Variants in CNOT6L observed in about 807,000 individuals in gnomAD.
CNOT6L encodes CCR4-NOT transcription complex subunit 6 like.
CNOT6L carries 7 observed loss-of-function variants against 64.0 expected under a neutral mutation model. The observed-to-expected ratio is 0.11, with a 90% CI of 0.06 to 0.21. The LOEUF (loss-of-function observed/expected upper bound fraction) is 0.21. CNOT6L is among the 10% of genes least tolerant of loss of function. The pLI, the probability that CNOT6L is intolerant of heterozygous loss-of-function variation, is 1.00. For missense variants in CNOT6L, 245 were observed against 669.0 expected, an observed-to-expected ratio of 0.37 and a Z score of 6.99; for synonymous variants, 193 against 243.4, an observed-to-expected ratio of 0.79 and a Z score of 1.93.
intron 1 of CNOT6L, among the ~76,000 whole-genome samples, chr4:77,779,885 A>G (rs2110078032): frequency 6.6e-6 from 1 of 152,192 alleles, no homozygotes; most frequent in Admixed American, 6.5e-5. Flanking sequence ...AATGGCATGA[A>G]CCCGGGAGGC....
chr4:77,806,151 C>T (rs2110161066), intron 1 of CNOT6L, among the ~76,000 whole-genome samples: 1 of 152,276 alleles, frequency 6.6e-6, no homozygotes, highest in Non-Finnish European at 1.5e-5. Flanking sequence ...TCAGGCCGGG[C>T]ACAGTGACTC....
chr4:77,799,190 G>A (rs943172634), intron 1 of CNOT6L, among the ~76,000 whole-genome samples: 5 of 152,138 alleles, frequency 3.3e-5, no homozygotes, highest in Admixed American at 2.0e-4. Context: ...CACTTTCGGA[G>A]GCCAAGGTGA....
At chr4:77,756,761 T>A in intron 5 of CNOT6L, 101 bp downstream of exon 5, 1 of 668,684 alleles carries the variant, frequency 1.5e-6, no homozygotes, top group Non-Finnish European at 2.5e-6. Context: ...TCCAAACCCA[T>A]AGGCAATTAT....
chr4:77,736,745 C>T (rs1008348958), intron 8 of CNOT6L, among the ~76,000 whole-genome samples: 6 of 151,952 alleles, frequency 3.9e-5, no homozygotes, highest in Non-Finnish European at 7.4e-5. Context: ...TACTCTGTGA[C>T]TGGTATACAG....
chr4:77,819,366 C>G lies in CNOT6L; in HGVS notation c.-58G>C. ...ATTTCCCCGCGGCAGGGGAAACACA[C>G]ACACAAACACGCGCGCGCGCGCGCA... On this transcript the variant is annotated 5_prime_UTR_variant, in exon 1 of 12. Coordinates refer to ENST00000504123, the MANE Select transcript of CNOT6L (RefSeq NM_144571.3). The G allele has an allele frequency of 6.2e-7, 1 of 1,612,324 alleles. No homozygotes were observed.
chr4:77,814,744 C>G (rs1341059511), intron 1 of CNOT6L, among the ~76,000 whole-genome samples: 1 of 152,138 alleles, frequency 6.6e-6, no homozygotes, highest in Non-Finnish European at 1.5e-5. Flanking sequence ...CCCCAGAGAT[C>G]CCTAACCAAA....
upstream of CNOT6L, chr4:77,819,533 G>C: frequency 1.4e-6 from 1 of 729,096 alleles, no homozygotes; most frequent in South Asian, 2.2e-5. Context: ...GGGCTCGCGG[G>C]CGGGCGCGCA....
chr4:77,796,920 G>T (rs1179065934), intron 1 of CNOT6L, among the ~76,000 whole-genome samples: 1 of 151,638 alleles, frequency 6.6e-6, no homozygotes. Context: ...ATGTCTAACA[G>T]AGAAATACAA....
In CNOT6L at chr4:77,764,555, T is replaced by C. The variant is rs551548524; in HGVS notation, c.401-7604A>G. On this transcript the variant is annotated intron_variant, in intron 4 of 11. Transcript: ENST00000504123. The stretch of plus-strand genomic sequence containing the variant: ...GTATGGATTTGCCCCAAACTCTTTC[T>C]TGCAGGAGATCCAAGAACTGGAATT... Among the ~76,000 whole-genome samples the C allele has an allele frequency of 3.3e-5, 5 of 152,284 alleles. 1 individual carries two copies. Among genetic ancestry groups the C allele is most frequent in the African/African-American group, 1.2e-4 (5 of 41,574 alleles).
chr4:77,811,874 TAAAAAAAA>T (rs34864447), intron 1 of CNOT6L, among the ~76,000 whole-genome samples: 1 of 140,936 alleles, frequency 7.1e-6, no homozygotes, highest in Admixed American at 7.0e-5. Flanking sequence ...AGGAGCAGTT[TAAAAAAAA>T]AAAAAAAAAA....
At chr4:77,819,131 A>C in intron 1 of CNOT6L, 173 bp downstream of exon 1, 2 of 1,205,468 alleles carry the variant, frequency 1.7e-6, no homozygotes, top group Non-Finnish European at 2.3e-6. Flanking sequence ...CGCCCCCTCC[A>C]GTCACCCGAC....
chr4:77,744,225 T>C (rs531935463), intron 7 of CNOT6L, among the ~76,000 whole-genome samples: 1 of 152,244 alleles, frequency 6.6e-6, no homozygotes, highest in South Asian at 2.1e-4. Context: ...TATAAAGTGC[T>C]ATAAAACAGA....
chr4:77,814,432 T>C (rs553897347), intron 1 of CNOT6L, among the ~76,000 whole-genome samples: 44 of 152,304 alleles, frequency 2.9e-4, no homozygotes, highest in East Asian at 5.8e-4. Context: ...CCTGACCCAA[T>C]TGACATTCCA....
chr4:77,788,044 C>A (rs1729650147), intron 1 of CNOT6L, among the ~76,000 whole-genome samples: 1 of 152,138 alleles, frequency 6.6e-6, no homozygotes, highest in Admixed American at 6.5e-5. Flanking sequence ...TTTCTTTGAC[C>A]AAACTTCTTT....
At chr4:77,813,673 A>G (rs1733222904) in intron 1 of CNOT6L, among the ~76,000 whole-genome samples, 1 of 152,224 alleles carries the variant, frequency 6.6e-6, no homozygotes, top group African/African-American at 2.4e-5. Context: ...ATCATTAGCC[A>G]TCAGGGAAAT....
chr4:77,791,541 A>G (rs984984588), intron 1 of CNOT6L, among the ~76,000 whole-genome samples: 1 of 152,200 alleles, frequency 6.6e-6, no homozygotes, highest in Non-Finnish European at 1.5e-5. Flanking sequence ...TTAAACATCC[A>G]TATTTTCTTT....
At position 77,750,264 on chromosome 4, in the gene CNOT6L, AAG is replaced by A. The variant is rs1724709989; in HGVS notation, c.491-1882_491-1881del. On this transcript the variant is annotated intron_variant, in intron 5 of 11. Transcript: ENST00000504123. ...CCTGCATGGAAGGGACTGTGATTAAAAGTAATGATTAAAAGAAATTTTAATCA... is the reference window on the plus strand; with the variant it reads ...CCTGCATGGAAGGGACTGTGATTAAATAATGATTAAAAGAAATTTTAATCA... 5.3e-5 allele frequency among the ~76,000 whole-genome samples: 8 copies of A among 152,336 alleles called. No individual in the cohort carries two copies. In the South Asian group the frequency reaches 1.7e-3, roughly 32 times the overall value.
chr4:77,819,073 C>T (rs1250009758), intron 1 of CNOT6L: 1 of 739,834 alleles, frequency 1.4e-6, no homozygotes, highest in South Asian at 1.5e-5. Flanking sequence ...CACACACACA[C>T]ACCCCGGAAC....
Position 77,748,388 on chromosome 4 carries a change from A to G in CNOT6L, c.491-4T>C, listed in dbSNP as rs1724443598. 1.2e-6 allele frequency: 2 copies of G among 1,605,898 alleles called. No individual in the cohort carries two copies. Among genetic ancestry groups the G allele is most frequent in the South Asian group, 1.1e-5 (1 of 90,680 alleles). ...GGAGGAAGCTGCTCTGGATGAACTG[A>G]AAAAAATTTTGTAAATATAGGTTAA... is the stretch of plus-strand genomic sequence containing the variant. On this transcript the variant is annotated splice_region_variant and splice_polypyrimidine_tract_variant and intron_variant, in intron 5 of 11. Transcript: ENST00000504123.
Sources: allele counts gnomAD v4.1 joint callset (sites outside exome capture counted in the v4.1 genomes callset), GRCh38; gene constraint gnomAD v4.1.1; transcripts MANE v1.5; gene names NCBI Gene and HGNC (gene_info 2026-07-23, HGNC 2026-07-21).